Variants in DCTN5 observed in about 807,000 individuals in gnomAD.
The protein encoded by DCTN5 is dynactin 4.
DCTN5 carries 14 observed loss-of-function variants against 23.5 expected under a neutral mutation model. The observed-to-expected ratio is 0.60, with a 90% CI of 0.39 to 0.93. The LOEUF (loss-of-function observed/expected upper bound fraction) is 0.93, where lower values mean the gene tolerates loss of function less well. Ranked by LOEUF, DCTN5 falls within the 40% of genes least tolerant of loss-of-function variation. The probability of loss-of-function intolerance (pLI) is 0.00; values close to 1 mark genes in which losing one functional copy is unlikely to be tolerated. For synonymous variants in DCTN5, 67 were observed against 79.6 expected (o/e 0.84, Z 0.84); for missense variants, 156 against 225.9 (o/e 0.69, Z 1.98).
chr16:23,654,287 G>C (rs1218821136), intron 2 of DCTN5, among the ~76,000 whole-genome samples: 1 of 152,202 alleles, frequency 6.6e-6, no homozygotes, highest in African/African-American at 2.4e-5. Flanking sequence ...ATGCTTATCA[G>C]TGATAGACTG....
chr16:23,663,541 C>T (rs999366442), intron 4 of DCTN5, among the ~76,000 whole-genome samples: 1 of 152,010 alleles, frequency 6.6e-6, no homozygotes, highest in Non-Finnish European at 1.5e-5. Flanking sequence ...TGGTGAAACC[C>T]CGTCTCTACT....
rs1273563087 is a variant in DCTN5, at chr16:23,674,203, G to C, written c.*7059G>C. The C allele has an allele frequency of 2.0e-5, 3 of 152,174 alleles. No individual in the cohort carries two copies. The highest frequency in any genetic ancestry group is 4.4e-5 in the Non-Finnish European group (3 of 68,048). The allele number at this position is 152,174 out of a possible 1,614,324, so 9.4% of individuals were successfully genotyped here. On this transcript the variant is annotated 3_prime_UTR_variant, in exon 6 of 6. Coordinates refer to ENST00000300087, the MANE Select transcript of DCTN5 (RefSeq NM_032486.4). Reference sequence around the variant, plus strand: ...AAAGCAGGCACAGGCTCAATGACCAGGACTCAGACGTTGGGGCCGTTGGAG... The same window carrying C: ...AAAGCAGGCACAGGCTCAATGACCACGACTCAGACGTTGGGGCCGTTGGAG...
rs1367979032 is a variant in DCTN5, at chr16:23,674,325, T to TG, written c.*7182dup. On this transcript the variant is annotated 3_prime_UTR_variant, in exon 6 of 6. Coordinates refer to ENST00000300087, the MANE Select transcript of DCTN5 (RefSeq NM_032486.4). ...CTAATGGGACCATCTAAGATCAAGC[T>TG]GCTGATAGGCTCTTTGTCTCTAATA... is the stretch of plus-strand genomic sequence containing the variant. 3 of 152,212 alleles carry TG rather than the reference T, an allele frequency of 2.0e-5. No individual in the cohort carries two copies. The highest frequency in any genetic ancestry group is 4.4e-5 in the Non-Finnish European group (3 of 68,044). 9.4% of individuals were successfully genotyped at this position (152,212 alleles called of 1,614,324 possible).
chr16:23,651,097 T>A, intron 2 of DCTN5: 1 of 1,319,768 alleles, frequency 7.6e-7, no homozygotes, highest in Non-Finnish European at 9.7e-7. Flanking sequence ...AGGAGATAGC[T>A]AAAAAAAATT....
At chr16:23,657,487 C>T (rs1967727507) in intron 2 of DCTN5, 1 of 435,654 alleles carries the variant, frequency 2.3e-6, no homozygotes. Flanking sequence ...TTCGTCCAGG[C>T]TGGAGTGCAA....
intron 2 of DCTN5, among the ~76,000 whole-genome samples, chr16:23,655,736 G>T (rs937914701): frequency 2.0e-5 from 3 of 151,944 alleles, no homozygotes; most frequent in East Asian, 1.9e-4. Context: ...GCAAAGATAG[G>T]GTTTTGCCAT....
intron 5 of DCTN5, chr16:23,666,758 C>A: frequency 2.1e-6 from 1 of 476,446 alleles, no homozygotes; most frequent in South Asian, 4.1e-5. Context: ...TGAACAAAAT[C>A]ATCACTCAGA....
intron 4 of DCTN5, among the ~76,000 whole-genome samples, chr16:23,664,677 T>A (rs184553711): frequency 6.6e-6 from 1 of 152,196 alleles, no homozygotes; most frequent in Admixed American, 6.5e-5. Context: ...TATTTCTTGC[T>A]CTCTGAATGC....
chr16:23,667,489 A>T lies in DCTN5; in HGVS notation c.*345A>T, dbSNP rs1256729865. On this transcript the variant is annotated 3_prime_UTR_variant, in exon 6 of 6. Transcript: ENST00000300087. ...CCCGCCTGAAACGGACCTGCAGAGC[A>T]GCAGCACCCTTCCGGTGTGGAGGCT... is the stretch of plus-strand genomic sequence containing the variant. 3.9e-6 allele frequency: 1 copy of T among 256,486 alleles called. No homozygotes were observed. Among genetic ancestry groups the T allele is most frequent in the Non-Finnish European group, 7.7e-6 (1 of 129,352 alleles). 15.9% of individuals were successfully genotyped at this position (256,486 alleles called of 1,614,324 possible).
rs1968075937 is a variant in DCTN5, at chr16:23,675,739, C to T, written c.*8595C>T. On this transcript the variant is annotated 3_prime_UTR_variant, in exon 6 of 6. Transcript: ENST00000300087. ...AAGGAAAATTCCCAGTGCTGCCTTT[C>T]CATGTGCTGTGAGTGCTTTGAGTTC... The T allele has an allele frequency of 6.6e-6, 1 of 152,228 alleles. No homozygotes were observed. Among genetic ancestry groups the T allele is most frequent in the South Asian group, 2.1e-4 (1 of 4,830 alleles). 9.4% of individuals were successfully genotyped at this position (152,228 alleles called of 1,614,324 possible).
chr16:23,651,801 G>A (rs1387543306), intron 2 of DCTN5, among the ~76,000 whole-genome samples: 1 of 152,202 alleles, frequency 6.6e-6, no homozygotes, highest in Non-Finnish European at 1.5e-5. Flanking sequence ...AAGGCAGGCG[G>A]AGGCGGGCAG....
chr16:23,644,884 A>T (rs924683490), intron 2 of DCTN5, among the ~76,000 whole-genome samples: 1 of 143,192 alleles, frequency 7.0e-6, no homozygotes, highest in African/African-American at 2.6e-5. Context: ...GGCTTCAAGG[A>T]TTCTCATGCC....
chr16:23,655,781 G>T (rs914640540), intron 2 of DCTN5, among the ~76,000 whole-genome samples: 4 of 152,132 alleles, frequency 2.6e-5, no homozygotes, highest in Admixed American at 2.6e-4. Context: ...CTGTGCTCAA[G>T]CAGTCCTCCT....
In DCTN5 at chr16:23,642,786, CAT is replaced by C. The variant is rs1441884843; in HGVS notation, c.49-167_49-166del. On this transcript the variant is annotated intron_variant, in intron 1 of 5. Transcript: ENST00000300087. The stretch of plus-strand genomic sequence containing the variant: ...ACAGGCATGAGCCACCATACTCAGC[CAT>C]AGTTTCCTAATCCATCATTGCTTTT... The C allele has an allele frequency of 4.9e-6, 3 of 613,354 alleles. No individual in the cohort carries two copies. In the African/African-American group the frequency reaches 5.5e-5, roughly 11 times the overall value. The allele number at this position is 613,354 out of a possible 1,614,324, so 38.0% of individuals were successfully genotyped here.
chr16:23,670,458 T>C lies in DCTN5; in HGVS notation c.*3314T>C, dbSNP rs1967985400. 6.6e-6 allele frequency: 1 copy of C among 152,200 alleles called. No homozygotes were observed. The highest frequency in any genetic ancestry group is 1.5e-5 in the Non-Finnish European group (1 of 68,048). The allele number at this position is 152,200 out of a possible 1,614,324, so 9.4% of individuals were successfully genotyped here. On this transcript the variant is annotated 3_prime_UTR_variant, in exon 6 of 6. Coordinates refer to ENST00000300087, the MANE Select transcript of DCTN5 (RefSeq NM_032486.4). ...GTTTCTCAGCTATAAGGAAGAGGTCTTGGTGGCTAGGGAGGCCTTTCTCTG... is the reference window on the plus strand; with the variant it reads ...GTTTCTCAGCTATAAGGAAGAGGTCCTGGTGGCTAGGGAGGCCTTTCTCTG...
intron 2 of DCTN5, among the ~76,000 whole-genome samples, chr16:23,648,117 TTTTTA>T (rs1319856545): frequency 6.6e-6 from 1 of 152,050 alleles, no homozygotes; most frequent in African/African-American, 2.4e-5. Flanking sequence ...CTGTGATTTA[TTTTTA>T]TTTTAAAAAT....
chr16:23,644,675 A>C (rs1337256309), intron 2 of DCTN5, among the ~76,000 whole-genome samples: 1 of 151,680 alleles, frequency 6.6e-6, no homozygotes, highest in Non-Finnish European at 1.5e-5. Flanking sequence ...ACCTCAGATG[A>C]TCCATCCACT....
intron 2 of DCTN5, among the ~76,000 whole-genome samples, chr16:23,652,437 A>G (rs367718552): frequency 2.6e-5 from 4 of 152,360 alleles, no homozygotes; most frequent in African/African-American, 9.6e-5. Flanking sequence ...TCACCAAGTC[A>G]TATAGATTCT....
At chr16:23,651,393 T>G (rs1967602449) in intron 2 of DCTN5, among the ~76,000 whole-genome samples, 1 of 152,270 alleles carries the variant, frequency 6.6e-6, no homozygotes, top group African/African-American at 2.4e-5. Context: ...TCTTCCTAAA[T>G]TTCTCTGACC....
Sources: allele counts gnomAD v4.1 joint callset (sites outside exome capture counted in the v4.1 genomes callset), GRCh38; gene constraint gnomAD v4.1.1; transcripts MANE v1.5; gene names NCBI Gene and HGNC (gene_info 2026-07-23, HGNC 2026-07-21).